Variants in DNER observed in about 807,000 individuals in gnomAD.
DNER encodes delta/notch like EGF repeat containing.
In DNER, 33 loss-of-function variants were observed where a neutral mutation model predicts 78.2. That is an observed-to-expected ratio of 0.42 (90% CI 0.32 to 0.56). The LOEUF (loss-of-function observed/expected upper bound fraction) is 0.56, where lower values mean the gene tolerates loss of function less well. Among genes scored for constraint, DNER ranks in the 20% least tolerant of loss-of-function variants. The pLI is 0.11. For synonymous variants in DNER, 417 were observed against 384.8 expected (o/e 1.08, Z -0.98); for missense variants, 918 against 975.3 (o/e 0.94, Z 0.78).
At chr2:229,546,723 G>A (rs545085023) in intron 5 of DNER, among the ~76,000 whole-genome samples, 6 of 152,206 alleles carry the variant, frequency 3.9e-5, no homozygotes, top group Admixed American at 3.3e-4. Context: ...GCAACAGAGC[G>A]AGACCCCATC....
At chr2:229,534,283 G>C (rs1696363093) in intron 5 of DNER, among the ~76,000 whole-genome samples, 1 of 152,014 alleles carries the variant, frequency 6.6e-6, no homozygotes, top group South Asian at 2.1e-4. Flanking sequence ...CCAATAGATT[G>C]TAATAAAATA....
intron 1 of DNER, among the ~76,000 whole-genome samples, chr2:229,704,946 G>A (rs985282448): frequency 5.3e-5 from 8 of 152,154 alleles, no homozygotes; most frequent in Non-Finnish European, 8.8e-5. Context: ...AATATACCTC[G>A]GACATATTTG....
chr2:229,412,282 A>G (rs6731881), intron 9 of DNER, among the ~76,000 whole-genome samples: 125,328 of 152,246 alleles, frequency 0.82, 52,007 homozygotes, highest in African/African-American at 0.87. Context: ...ACAATTCCAT[A>G]ATCTACAGTG....
chr2:229,630,479 AAATAATAAT>A lies in DNER; in HGVS notation c.277-38600_277-38592del, dbSNP rs200043673. 4.3e-3 allele frequency among the ~76,000 whole-genome samples: 596 copies of A among 139,030 alleles called. 4 individuals carry two copies. The highest frequency in any genetic ancestry group is 6.9e-3 in the African/African-American group (259 of 37,450). 91.2% of individuals were successfully genotyped at this position (139,030 alleles called of 152,430 possible). On this transcript the variant is annotated intron_variant, in intron 1 of 12. Coordinates refer to ENST00000341772, the MANE Select transcript of DNER (RefSeq NM_139072.4). ...CGACAGAGTGAGAGACTCCATCTCA[AAATAATAAT>A]AATAATAATAATAATAATAATAATA... is the stretch of plus-strand genomic sequence containing the variant.
chr2:229,714,518 C>A lies in DNER; in HGVS notation c.-95G>T. 9.5e-7 allele frequency: 1 copy of A among 1,056,206 alleles called. No individual in the cohort carries two copies. The highest frequency in any genetic ancestry group is 1.1e-6 in the Non-Finnish European group (1 of 877,292). 65.4% of individuals were successfully genotyped at this position (1,056,206 alleles called of 1,614,324 possible). The stretch of plus-strand genomic sequence containing the variant: ...AGAGCTGCGAGAGCGACGGTGGCGG[C>A]TAGGGCTGCTCCGCCGGGCCGGGCG... On this transcript the variant is annotated 5_prime_UTR_variant, in exon 1 of 13. Transcript: ENST00000341772.
chr2:229,666,450 G>T (rs1377169005), intron 1 of DNER, among the ~76,000 whole-genome samples: 1 of 152,192 alleles, frequency 6.6e-6, no homozygotes, highest in African/African-American at 2.4e-5. Context: ...CATATTTTAA[G>T]AAGCTAAACT....
At chr2:229,670,056 C>T (rs1159474652) in intron 1 of DNER, among the ~76,000 whole-genome samples, 1 of 152,140 alleles carries the variant, frequency 6.6e-6, no homozygotes, top group Non-Finnish European at 1.5e-5. Context: ...CCCAGAACAC[C>T]CTGCATCACT....
At chr2:229,548,068 A>G (rs1432300163) in intron 4 of DNER, among the ~76,000 whole-genome samples, 1 of 152,248 alleles carries the variant, frequency 6.6e-6, no homozygotes, top group Non-Finnish European at 1.5e-5. Flanking sequence ...TAAAAGTTAA[A>G]AAGCCTCATC....
At position 229,579,670 on chromosome 2, in the gene DNER, G is replaced by A. The variant is rs200778482; in HGVS notation, c.847+6188C>T. Among the ~76,000 whole-genome samples the A allele has an allele frequency of 5.9e-5, 9 of 152,204 alleles. No individual in the cohort carries two copies. The East Asian group carries it at 1.7e-3, about 29-fold the overall frequency. ...AGGAGATTCATGAGATCCATGAAGT[G>A]GATCTTTGACCCCTATGACTACCTC... On this transcript the variant is annotated intron_variant, in intron 4 of 12. Coordinates refer to ENST00000341772, the MANE Select transcript of DNER (RefSeq NM_139072.4).
intron 1 of DNER, among the ~76,000 whole-genome samples, chr2:229,691,104 G>A (rs1699564191): frequency 6.6e-6 from 1 of 152,100 alleles, no homozygotes; most frequent in South Asian, 2.1e-4. Flanking sequence ...GATAAGTGTT[G>A]TTTAAAGTAC....
At chr2:229,652,912 G>C (rs896545705) in intron 1 of DNER, among the ~76,000 whole-genome samples, 3 of 152,168 alleles carry the variant, frequency 2.0e-5, no homozygotes, top group Non-Finnish European at 4.4e-5. Context: ...ATGGAGAGGC[G>C]GCGGCATGGG....
chr2:229,448,446 A>G (rs961705777), intron 7 of DNER, among the ~76,000 whole-genome samples: 1 of 152,242 alleles, frequency 6.6e-6, no homozygotes, highest in Non-Finnish European at 1.5e-5. Flanking sequence ...TTGTGGTGAT[A>G]GCTGCACAAC....
chr2:229,366,733 TC>T, intron 12 of DNER, 139 bp downstream of exon 12: 2 of 1,315,970 alleles, frequency 1.5e-6, no homozygotes, highest in Non-Finnish European at 2.1e-6. Context: ...GAATGATCTA[TC>T]CCCAAATACA....
intron 1 of DNER, among the ~76,000 whole-genome samples, chr2:229,702,847 G>A (rs1189675453): frequency 6.8e-6 from 1 of 146,504 alleles, no homozygotes; most frequent in Non-Finnish European, 1.5e-5. Context: ...AACACGGGAG[G>A]TAGAGCTTGC....
chr2:229,522,070 A>C (rs1290202219), intron 5 of DNER, among the ~76,000 whole-genome samples: 1 of 152,208 alleles, frequency 6.6e-6, no homozygotes, highest in Non-Finnish European at 1.5e-5. Flanking sequence ...CTCAGCATTA[A>C]ATTCAGGACT....
chr2:229,623,052 C>T (rs72991684), intron 1 of DNER, among the ~76,000 whole-genome samples: 1 of 152,148 alleles, frequency 6.6e-6, no homozygotes. Context: ...ACTCCTCCAC[C>T]CTAGGTCTTT....
intron 11 of DNER, among the ~76,000 whole-genome samples, chr2:229,380,848 C>T (rs1229090883): frequency 2.0e-5 from 3 of 152,018 alleles, no homozygotes; most frequent in East Asian, 1.9e-4. Flanking sequence ...TCACTTGAAC[C>T]GAGGAGGCAG....
chr2:229,408,870 T>C (rs1442580598), intron 9 of DNER, among the ~76,000 whole-genome samples: 3 of 152,148 alleles, frequency 2.0e-5, no homozygotes, highest in African/African-American at 7.2e-5. Flanking sequence ...CCATCAACAA[T>C]ATTCTGTCAG....
chr2:229,382,388 G>A lies in DNER; in HGVS notation c.1855+5877C>T, dbSNP rs140739205. On this transcript the variant is annotated intron_variant, in intron 11 of 12. Coordinates refer to ENST00000341772, the MANE Select transcript of DNER (RefSeq NM_139072.4). ...CAAAGGATCACAACTTCTCACTAGCGAGGGAACAGAACTGGACAGAGAATG... is the reference window on the plus strand; with the variant it reads ...CAAAGGATCACAACTTCTCACTAGCAAGGGAACAGAACTGGACAGAGAATG... Among the ~76,000 whole-genome samples, 1,492 of 152,194 alleles carry A rather than the reference G, an allele frequency of 9.8e-3. 11 individuals carry two copies. Among genetic ancestry groups the A allele is most frequent in the Non-Finnish European group, 0.016 (1,079 of 68,004 alleles).
Sources: allele counts gnomAD v4.1 joint callset (sites outside exome capture counted in the v4.1 genomes callset), GRCh38; gene constraint gnomAD v4.1.1; transcripts MANE v1.5; gene names NCBI Gene and HGNC (gene_info 2026-07-23, HGNC 2026-07-21).